The following CTNNA2 variants were observed in gnomAD, a reference collection of about 807,000 sequenced individuals.
CTNNA2 encodes the protein catenin alpha 2.
Under a neutral mutation model 101.0 loss-of-function variants are expected in CTNNA2, and 42 were observed. The observed-to-expected ratio is 0.42, with a 90% CI of 0.32 to 0.54. The LOEUF is 0.54. CTNNA2 is among the 20% of genes least tolerant of loss of function. CTNNA2 has a pLI of 0.14. For missense variants in CTNNA2, 871 were observed against 1,223.1 expected, an observed-to-expected ratio of 0.71 and a Z score of 4.29; for synonymous variants, 450 against 456.4, an observed-to-expected ratio of 0.99 and a Z score of 0.18.
At chr2:79,540,990 C>G (rs1001943790) in intron 1 of CTNNA2, among the ~76,000 whole-genome samples, 1 of 151,976 alleles carries the variant, frequency 6.6e-6, no homozygotes, top group African/African-American at 2.4e-5. Flanking sequence ...TTGTGTTGAT[C>G]AAATTGTTTT....
intron 3 of CTNNA2, among the ~76,000 whole-genome samples, chr2:79,828,362 G>A (rs924260857): frequency 6.6e-6 from 1 of 152,140 alleles, no homozygotes; most frequent in Non-Finnish European, 1.5e-5. Flanking sequence ...CCATTTATAA[G>A]CTAGAGCAGC....
In CTNNA2 at chr2:79,301,660, CT is replaced by C. The variant is rs143868277; in HGVS notation, c.-405-11048del. Among the ~76,000 whole-genome samples the C allele has an allele frequency of 7.0e-4, 106 of 152,248 alleles. 2 individuals are homozygous for C. The East Asian group carries it at 0.013, about 19-fold the overall frequency. On this transcript the variant is annotated intron_variant, in intron 2 of 21. Coordinates refer to the CTNNA2 transcript ENST00000466387. ...CCCCACTACCCACCTCTCATCCCCC[CT>C]ATCTCCCCTGTCTCCCCTTGAGTAC...
In CTNNA2 at chr2:80,459,236, A is replaced by G. The variant is rs368447085; in HGVS notation, c.1290+39635A>G. On this transcript the variant is annotated intron_variant, in intron 9 of 18. Transcript: ENST00000402739. Reference sequence around the variant, plus strand: ...AGAAGGTATTCCTACTCAGTGATCCATGAATTTAATTGGTCTGGGAGGAGT... The same window carrying G: ...AGAAGGTATTCCTACTCAGTGATCCGTGAATTTAATTGGTCTGGGAGGAGT... Among the ~76,000 whole-genome samples, 15 of 152,258 alleles carry G rather than the reference A, an allele frequency of 9.9e-5. No homozygotes were observed. The East Asian group carries it at 1.7e-3, about 18-fold the overall frequency.
chr2:80,477,346 T>C (rs1007169396), intron 9 of CTNNA2, among the ~76,000 whole-genome samples: 1 of 152,200 alleles, frequency 6.6e-6, no homozygotes, highest in East Asian at 1.9e-4. Flanking sequence ...TAAATTTTAA[T>C]TTGGGAAATA....
intron 9 of CTNNA2, among the ~76,000 whole-genome samples, chr2:80,427,855 G>C (rs1001068620): frequency 1.3e-5 from 2 of 152,204 alleles, no homozygotes; most frequent in Non-Finnish European, 2.9e-5. Context: ...CTAGTTGCTG[G>C]CAACATAACC....
intron 7 of CTNNA2, among the ~76,000 whole-genome samples, chr2:80,219,220 C>T (rs1708435967): frequency 6.6e-6 from 1 of 152,188 alleles, no homozygotes; most frequent in Non-Finnish European, 1.5e-5. Context: ...CTTTGCAATG[C>T]CATCTTTGAT....
intron 7 of CTNNA2, among the ~76,000 whole-genome samples, chr2:80,253,528 A>T (rs987305781): frequency 2.6e-5 from 4 of 152,080 alleles, no homozygotes; most frequent in Non-Finnish European, 4.4e-5. Context: ...CCTAGGAAGG[A>T]TTGAGCTGCA....
chr2:79,886,973 C>T lies in CTNNA2; in HGVS notation c.852+12631C>T, dbSNP rs78549415. On this transcript the variant is annotated intron_variant, in intron 6 of 18. Coordinates refer to ENST00000402739, the MANE Select transcript of CTNNA2 (RefSeq NM_001282597.3). ...AGCTAGGACCACAGGCACACCACCA[C>T]ACCCAGCAAGTTTTGGTATTTTTAG... 1.3e-4 allele frequency among the ~76,000 whole-genome samples: 19 copies of T among 151,836 alleles called. No homozygotes were observed. In the East Asian group the frequency reaches 3.2e-3, roughly 26 times the overall value.
chr2:79,807,877 T>C (rs938722493), intron 3 of CTNNA2, among the ~76,000 whole-genome samples: 3 of 152,154 alleles, frequency 2.0e-5, no homozygotes, highest in Non-Finnish European at 1.5e-5. Context: ...TCCTGTCGAT[T>C]TACATTTATG....
At chr2:79,873,461 T>C (rs1273203637) in intron 5 of CTNNA2, among the ~76,000 whole-genome samples, 1 of 152,172 alleles carries the variant, frequency 6.6e-6, no homozygotes, top group Non-Finnish European at 1.5e-5. Context: ...TAGGAAGTGT[T>C]AGTGATAGGA....
rs555406192 is a variant in CTNNA2 at position 79,739,315 on chromosome 2, G to A, written c.103-5072G>A. ...CATATTCTCAGTGTTTGCTTACAAA[G>A]GGGTTTCTCTGTCAAACTCTTCCAT... On this transcript the variant is annotated intron_variant, in intron 2 of 18. Transcript: ENST00000402739. Among the ~76,000 whole-genome samples the A allele has an allele frequency of 3.3e-5, 5 of 152,218 alleles. No homozygotes were observed. In the East Asian group the frequency reaches 7.7e-4, roughly 24 times the overall value.
chr2:79,461,804 A>G (rs1017230355), intron 4 of CTNNA2, among the ~76,000 whole-genome samples: 2 of 152,180 alleles, frequency 1.3e-5, no homozygotes, highest in Non-Finnish European at 2.9e-5. Context: ...AGCAATATAA[A>G]GGTAAAATTG....
rs147200201 is a variant in CTNNA2 at position 80,219,584 on chromosome 2, C to T, written c.1057-173627C>T. Among the ~76,000 whole-genome samples, 1,134 of 152,232 alleles carry T rather than the reference C, an allele frequency of 7.4e-3. 9 individuals are homozygous for T. Among genetic ancestry groups the T allele is most frequent in the South Asian group, 0.017 (83 of 4,820 alleles). On this transcript the variant is annotated intron_variant, in intron 7 of 18. Transcript: ENST00000402739. ...TGTCCAGACTACTCACCAATCGACC[C>T]ATTCACCTATCTTCTCTGTAATACC...
intron 7 of CTNNA2, among the ~76,000 whole-genome samples, chr2:80,363,621 C>T (rs1244038807): frequency 6.6e-6 from 1 of 152,068 alleles, no homozygotes; most frequent in African/African-American, 2.4e-5. Flanking sequence ...GATTTCTGTA[C>T]TTAGAATTGA....
At chr2:79,908,315 G>A (rs191018318) in intron 6 of CTNNA2, among the ~76,000 whole-genome samples, 1 of 152,012 alleles carries the variant, frequency 6.6e-6, no homozygotes, top group Admixed American at 6.6e-5. Context: ...TTTAAATTTG[G>A]TGAATATATA....
intron 7 of CTNNA2, among the ~76,000 whole-genome samples, chr2:80,138,009 A>G (rs529054035): frequency 4.2e-4 from 64 of 152,272 alleles, no homozygotes; most frequent in South Asian, 1.0e-3. Flanking sequence ...TTTTGTGTCA[A>G]TTTTACAAAG....
At chr2:80,576,898 G>C (rs867808218) in intron 13 of CTNNA2, among the ~76,000 whole-genome samples, 1 of 151,908 alleles carries the variant, frequency 6.6e-6, no homozygotes, top group African/African-American at 2.4e-5. Context: ...CCTGGGAGGC[G>C]GAGGTTACAG....
At chr2:79,708,218 A>G (rs76042919) in intron 2 of CTNNA2, among the ~76,000 whole-genome samples, 14,813 of 152,200 alleles carry the variant, frequency 0.097, 766 homozygotes, top group African/African-American at 0.14. Flanking sequence ...CTCTTGCCCC[A>G]GTAGTTCAAG....
At position 79,977,135 on chromosome 2, in the gene CTNNA2, G is replaced by A. The variant is rs138943824; in HGVS notation, c.1056+67338G>A. On this transcript the variant is annotated intron_variant, in intron 7 of 18. Coordinates refer to ENST00000402739, the MANE Select transcript of CTNNA2 (RefSeq NM_001282597.3). ...GGATAGTCTTACTAAATAATTGGGG[G>A]TAATTTATCCCTAATTTATGTGAAT... Among the ~76,000 whole-genome samples, 24 of 151,866 alleles carry A rather than the reference G, an allele frequency of 1.6e-4. No individual in the cohort carries two copies. The East Asian group carries it at 3.7e-3, about 23-fold the overall frequency.
Sources: allele counts gnomAD v4.1 joint callset (sites outside exome capture counted in the v4.1 genomes callset), GRCh38; gene constraint gnomAD v4.1.1; transcripts MANE v1.5; gene names NCBI Gene and HGNC (gene_info 2026-07-23, HGNC 2026-07-21).